Variants in OR9Q1 observed in about 807,000 individuals in gnomAD.
The protein encoded by OR9Q1 is olfactory receptor 9Q1.
For missense variants in OR9Q1, 374 were observed against 378.8 expected (o/e 0.99, Z 0.11); for synonymous variants, 153 against 148.6 (o/e 1.03, Z -0.22).
intron 2 of OR9Q1, among the ~76,000 whole-genome samples, chr11:58,059,503 C>A (rs1853358962): frequency 6.6e-6 from 1 of 151,716 alleles, no homozygotes; most frequent in Non-Finnish European, 1.5e-5. Context: ...CGAGACCAGC[C>A]TGGCCAGCAT....
At chr11:58,090,496 G>T (rs865821664) in intron 2 of OR9Q1, among the ~76,000 whole-genome samples, 3 of 152,082 alleles carry the variant, frequency 2.0e-5, no homozygotes, top group African/African-American at 4.8e-5. Context: ...GTATGAAGTC[G>T]ACTTGATCGT....
rs1477930512 is a variant in OR9Q1 at position 58,046,412 on chromosome 11, C to CA, written c.-92-9457dup. On this transcript the variant is annotated intron_variant, in intron 1 of 2. Coordinates refer to ENST00000335397, the MANE Select transcript of OR9Q1 (RefSeq NM_001005212.4). The stretch of plus-strand genomic sequence containing the variant: ...AAAAGAGATAGAACGTATTATAGAA[C>CA]ATATTATACCAGTTATAGTCATTTT... Among the ~76,000 whole-genome samples, 3 of 152,116 alleles carry CA rather than the reference C, an allele frequency of 2.0e-5. No homozygotes were observed. The South Asian group carries it at 6.3e-4, about 32-fold the overall frequency.
intron 2 of OR9Q1, among the ~76,000 whole-genome samples, chr11:58,148,589 C>G (rs1002588961): frequency 3.3e-5 from 5 of 152,146 alleles, no homozygotes; most frequent in African/African-American, 1.2e-4. Flanking sequence ...ATGGTTCTCC[C>G]ATGCCTTTTT....
At chr11:58,106,054 A>G (rs1439967185) in intron 2 of OR9Q1, among the ~76,000 whole-genome samples, 1 of 152,070 alleles carries the variant, frequency 6.6e-6, no homozygotes, top group Non-Finnish European at 1.5e-5. Context: ...TGTTTCCCAT[A>G]GTGGCTGTAC....
intron 2 of OR9Q1, among the ~76,000 whole-genome samples, chr11:58,088,151 T>A (rs1487318013): frequency 2.6e-5 from 4 of 151,940 alleles, no homozygotes; most frequent in African/African-American, 9.7e-5. Context: ...TGACATGAAC[T>A]CATTCTTTTT....
At chr11:58,118,789 A>G in intron 2 of OR9Q1, 1 of 1,614,126 alleles carries the variant, frequency 6.2e-7, no homozygotes, top group South Asian at 1.1e-5. Context: ...GATGATGAGC[A>G]GATAGGAAAT....
At chr11:58,161,231 G>A (rs932355822) in intron 2 of OR9Q1, among the ~76,000 whole-genome samples, 3 of 141,896 alleles carry the variant, frequency 2.1e-5, no homozygotes, top group Non-Finnish European at 4.7e-5. Flanking sequence ...ACCCTAGAAC[G>A]TAAAGTATAA....
chr11:58,094,762 A>G (rs537634384), intron 2 of OR9Q1, among the ~76,000 whole-genome samples: 1 of 152,336 alleles, frequency 6.6e-6, no homozygotes, highest in South Asian at 2.1e-4. Flanking sequence ...AAAATGAACA[A>G]AATTGCCTTT....
intron 1 of OR9Q1, among the ~76,000 whole-genome samples, chr11:58,048,679 A>AAAAAAAAATAT (rs745596668): frequency 7.6e-6 from 1 of 131,398 alleles, no homozygotes; most frequent in African/African-American, 2.8e-5. Flanking sequence ...TAAAAAAAAA[A>AAAAAAAAATAT]ATATATATAT....
chr11:58,178,347 A>G (rs1854624489), intron 2 of OR9Q1, among the ~76,000 whole-genome samples: 1 of 152,214 alleles, frequency 6.6e-6, no homozygotes, highest in South Asian at 2.1e-4. Flanking sequence ...TTAAATTATC[A>G]CAAGGACTCT....
intron 2 of OR9Q1, among the ~76,000 whole-genome samples, chr11:58,059,687 C>CAAAAAAAAAAA (rs58893511): frequency 2.5e-5 from 1 of 40,190 alleles, no homozygotes; most frequent in Non-Finnish European, 4.2e-5. Flanking sequence ...GGCTCTGTCT[C>CAAAAAAAAAAA]AAAAAAAAAA....
At chr11:58,061,954 C>A (rs1481871507) in intron 2 of OR9Q1, among the ~76,000 whole-genome samples, 2 of 152,186 alleles carry the variant, frequency 1.3e-5, no homozygotes, top group Non-Finnish European at 2.9e-5. Context: ...ACTTGCCAAT[C>A]TCAAAGATCT....
chr11:58,118,612 T>C (rs762091087), intron 2 of OR9Q1: 5 of 1,614,040 alleles, frequency 3.1e-6, no homozygotes, highest in South Asian at 1.1e-5. Flanking sequence ...GACCACTGTA[T>C]AGAAGACAGA....
At chr11:58,164,929 C>G (rs986644625) in intron 2 of OR9Q1, among the ~76,000 whole-genome samples, 2 of 152,162 alleles carry the variant, frequency 1.3e-5, no homozygotes, top group Non-Finnish European at 2.9e-5. Context: ...ATAACTTGCT[C>G]TCTTCTCTCT....
intron 2 of OR9Q1, among the ~76,000 whole-genome samples, chr11:58,056,954 C>G (rs1853334170): frequency 6.7e-6 from 1 of 149,116 alleles, no homozygotes; most frequent in South Asian, 2.2e-4. Flanking sequence ...TCTGTACCCA[C>G]TTTCCTAAGG....
In OR9Q1 at chr11:58,032,606, A is replaced by C. The variant is rs554037436; in HGVS notation, c.-93+8502A>C. Among the ~76,000 whole-genome samples the C allele has an allele frequency of 2.6e-5, 4 of 152,352 alleles. No homozygotes were observed. In the South Asian group the frequency reaches 8.3e-4, roughly 32 times the overall value. On this transcript the variant is annotated intron_variant, in intron 1 of 2. Coordinates refer to ENST00000335397, the MANE Select transcript of OR9Q1 (RefSeq NM_001005212.4). ...TGAACCTCTACTTATCACCATATTC[A>C]AAAATTAAGATGGATTAAAGACTTA...
chr11:58,119,409 GA>G (rs1854002112), intron 2 of OR9Q1: 1 of 1,612,798 alleles, frequency 6.2e-7, no homozygotes, highest in Non-Finnish European at 8.5e-7. Flanking sequence ...CCATGAGAAT[GA>G]ATTCGGTTAC....
At chr11:58,107,539 C>T (rs2120100124) in intron 2 of OR9Q1, among the ~76,000 whole-genome samples, 1 of 152,256 alleles carries the variant, frequency 6.6e-6, no homozygotes, top group South Asian at 2.1e-4. Context: ...GGTTCCAAGT[C>T]TTTGCTATTG....
chr11:58,043,106 ATC>A (rs1853182237), intron 1 of OR9Q1, among the ~76,000 whole-genome samples: 1 of 152,030 alleles, frequency 6.6e-6, no homozygotes, highest in African/African-American at 2.4e-5. Flanking sequence ...GGACAATTTG[ATC>A]TCTTTCCTTG....
Sources: allele counts gnomAD v4.1 joint callset (sites outside exome capture counted in the v4.1 genomes callset), GRCh38; gene constraint gnomAD v4.1.1; transcripts MANE v1.5; gene names NCBI Gene and HGNC (gene_info 2026-07-23, HGNC 2026-07-21).